Variants in VPS13C observed in about 807,000 individuals in gnomAD.
VPS13C encodes the protein intermembrane lipid transfer protein VPS13C.
In VPS13C, 358 loss-of-function variants were observed where a neutral mutation model predicts 456.8. The observed-to-expected ratio is 0.78, with a 90% CI of 0.72 to 0.86. VPS13C has a LOEUF of 0.86. VPS13C is among the 40% of genes least tolerant of loss of function. VPS13C has a pLI of 0.00. For missense variants in VPS13C, 4,818 were observed against 4,385.4 expected (o/e 1.10, Z -2.79); for synonymous variants, 1,578 against 1,486.7 (o/e 1.06, Z -1.41).
At chr15:61,937,868 C>G (rs1454196949) in intron 47 of VPS13C, among the ~76,000 whole-genome samples, 1 of 152,166 alleles carries the variant, frequency 6.6e-6, no homozygotes, top group African/African-American at 2.4e-5. Context: ...ATCCATTAAA[C>G]CAGTACTGTC....
At chr15:61,994,914 G>A (rs902561017) in intron 16 of VPS13C, among the ~76,000 whole-genome samples, 1 of 152,110 alleles carries the variant, frequency 6.6e-6, no homozygotes, top group Admixed American at 6.6e-5. Context: ...AATGATGTCA[G>A]ATAAATGATT....
At chr15:61,892,182 G>C (rs1365321245) in intron 66 of VPS13C, among the ~76,000 whole-genome samples, 1 of 152,214 alleles carries the variant, frequency 6.6e-6, no homozygotes, top group African/African-American at 2.4e-5. Context: ...AGACAAAGAG[G>C]AGAAGCAGGA....
chr15:61,982,584 A>AT lies in VPS13C; in HGVS notation c.1915-12dup, dbSNP rs555474624. The AT allele has an allele frequency of 1.3e-4, 203 of 1,588,672 alleles. 4 individuals carry two copies. In the South Asian group the frequency reaches 1.9e-3, roughly 15 times the overall value. ...TGCATTGACAGTTTTCTATAAGAAA[A>AT]TTTTTTTAACATAACCAAGTTACAC... On this transcript the variant is annotated splice_polypyrimidine_tract_variant and intron_variant, in intron 20 of 84. Coordinates refer to ENST00000644861, the MANE Select transcript of VPS13C (RefSeq NM_020821.3).
At chr15:61,955,276 T>C (rs2140302035) in intron 37 of VPS13C, among the ~76,000 whole-genome samples, 1 of 152,288 alleles carries the variant, frequency 6.6e-6, no homozygotes, top group African/African-American at 2.4e-5. Context: ...ATAAGAACTT[T>C]ATTGTCCTTA....
At chr15:62,014,991 A>C (rs2047176457) in intron 9 of VPS13C, among the ~76,000 whole-genome samples, 1 of 152,158 alleles carries the variant, frequency 6.6e-6, no homozygotes, top group Admixed American at 6.6e-5. Context: ...GCAAAGATAC[A>C]AAGGGACAAA....
At chr15:61,932,299 A>G (rs1216174905) in intron 49 of VPS13C, among the ~76,000 whole-genome samples, 1 of 152,120 alleles carries the variant, frequency 6.6e-6, no homozygotes, top group Non-Finnish European at 1.5e-5. Context: ...TGAAGAAAAA[A>G]CATGAACAAA....
intron 16 of VPS13C, 111 bp downstream of exon 16, chr15:62,000,453 T>G: frequency 1.0e-6 from 1 of 988,606 alleles, no homozygotes; most frequent in Non-Finnish European, 1.5e-6. Flanking sequence ...CTCCTGAGAC[T>G]AAATTAAGCA....
chr15:61,974,481 C>A (rs767725732), intron 24 of VPS13C, 64 bp from the exon 25 acceptor site: 66 of 1,544,760 alleles, frequency 4.3e-5, no homozygotes, highest in Non-Finnish European at 5.7e-5. Context: ...GAAAGAATTG[C>A]ATTAATGTAA....
chr15:61,911,719 G>T, intron 63 of VPS13C, 121 bp downstream of exon 63: 1 of 1,004,854 alleles, frequency 1.0e-6, no homozygotes, highest in Non-Finnish European at 1.3e-6. Context: ...TTTCAAAGCT[G>T]GCTGTCATAT....
At chr15:62,047,443 A>C (rs2048452402) in intron 1 of VPS13C, among the ~76,000 whole-genome samples, 1 of 152,058 alleles carries the variant, frequency 6.6e-6, no homozygotes, top group South Asian at 2.1e-4. Context: ...CTCAAAAAAA[A>C]AAACAAAAAA....
At chr15:62,001,853 A>C (rs1229372960) in intron 15 of VPS13C, among the ~76,000 whole-genome samples, 1 of 152,290 alleles carries the variant, frequency 6.6e-6, no homozygotes, top group East Asian at 1.9e-4. Flanking sequence ...TGAACTCATC[A>C]TTTTTTATGA....
At position 61,886,796 on chromosome 15, in the gene VPS13C, T is replaced by G. The variant is rs556696470; in HGVS notation, c.9342-2527A>C. Among the ~76,000 whole-genome samples, 5 of 152,320 alleles carry G rather than the reference T, an allele frequency of 3.3e-5. No homozygotes were observed. In the East Asian group the frequency reaches 9.6e-4, roughly 29 times the overall value. On this transcript the variant is annotated intron_variant, in intron 67 of 84. Transcript: ENST00000644861. ...GATAGTGTTAACAATGTCCTAACTA[T>G]AAAATGTATTTAGAGGATACCAGTC...
chr15:61,971,234 T>G (rs935201543), intron 27 of VPS13C, among the ~76,000 whole-genome samples: 1 of 152,156 alleles, frequency 6.6e-6, no homozygotes, highest in African/African-American at 2.4e-5. Context: ...AGTAGTAACA[T>G]GATCTGACAT....
intron 23 of VPS13C, 49 bp from the exon 24 acceptor site, chr15:61,977,248 T>G: frequency 9.3e-7 from 1 of 1,076,244 alleles, no homozygotes. Flanking sequence ...CAAACAGCCA[T>G]GGAACATGGA....
intron 61 of VPS13C, among the ~76,000 whole-genome samples, chr15:61,914,031 T>G (rs1158392217): frequency 5.3e-5 from 8 of 152,136 alleles, no homozygotes; most frequent in Admixed American, 5.2e-4. Context: ...AGATAAAGTT[T>G]TATAGAAGAG....
intron 15 of VPS13C, among the ~76,000 whole-genome samples, chr15:62,006,786 T>G (rs2046865332): frequency 6.6e-6 from 1 of 152,184 alleles, no homozygotes; most frequent in Non-Finnish European, 1.5e-5. Context: ...GACTTTTTAA[T>G]GGTCGCCATT....
chr15:61,962,988 G>T, intron 32 of VPS13C, 136 bp from the exon 33 acceptor site: 1 of 530,986 alleles, frequency 1.9e-6, no homozygotes, highest in Non-Finnish European at 3.2e-6. Context: ...TAAATAAGTT[G>T]CAATATTAGA....
chr15:62,020,496 C>T lies in VPS13C; in HGVS notation c.667G>A (p.Gly223Arg). Residue 223 changes from glycine (G) to arginine (R), a missense_variant, in exon 9 of 85, where the codon GGA (glycine) becomes AGA (arginine). This residue lies in a region of VPS13C where 4,552 missense variants were observed against 4,130.6 expected (regional missense o/e 1.10). Transcript: ENST00000644861. ...KRPLSFGVTL[G>R]ELSLLTANEH... ...AACATTACCAGTAGACTAAGCTCTC[C>T]CAGTGTGACACCAAATGAAAGAGGC... is the stretch of plus-strand genomic sequence containing the variant. 1 of 1,611,334 alleles carries T rather than the reference C, an allele frequency of 6.2e-7. No individual in the cohort carries two copies. Among genetic ancestry groups the T allele is most frequent in the Non-Finnish European group, 8.5e-7 (1 of 1,178,376 alleles).
At chr15:61,919,834 AAT>A (rs2043591572) in intron 57 of VPS13C, among the ~76,000 whole-genome samples, 1 of 147,866 alleles carries the variant, frequency 6.8e-6, no homozygotes, top group Admixed American at 6.8e-5. Flanking sequence ...TATATTATAT[AAT>A]ATATACATTA....
Sources: gnomAD v4.1 joint callset for allele counts (sites outside exome capture counted in the v4.1 genomes callset) on GRCh38, gnomAD v4.1.1 for gene constraint, gnomAD v4.1.1 regional missense constraint, MANE v1.5 for transcripts, NCBI Gene and HGNC (gene_info 2026-07-23, HGNC 2026-07-21) for gene names.